TSHR: variants seen among roughly 807,000 people sequenced by gnomAD.
TSHR encodes thyrotropin receptor.
Under a neutral mutation model 64.1 loss-of-function variants are expected in TSHR, and 51 were observed. That is an observed-to-expected ratio of 0.80 (90% CI 0.64 to 1.01). The LOEUF (loss-of-function observed/expected upper bound fraction) is 1.01. Ranked by LOEUF, TSHR falls within the 50% of genes least tolerant of loss-of-function variation. TSHR has a pLI of 0.00. For synonymous variants in TSHR, 361 were observed against 361.9 expected (o/e 1.00, Z 0.03); for missense variants, 877 against 942.8 (o/e 0.93, Z 0.91).
chr14:80,981,328 T>A (rs1218578280), intron 1 of TSHR, among the ~76,000 whole-genome samples: 1 of 152,098 alleles, frequency 6.6e-6, no homozygotes, highest in Non-Finnish European at 1.5e-5. Flanking sequence ...CTCAAGAAGG[T>A]TTTTTTAAAA....
At chr14:81,041,999 C>T (rs1884945818) in intron 1 of TSHR, among the ~76,000 whole-genome samples, 1 of 152,022 alleles carries the variant, frequency 6.6e-6, no homozygotes, top group Non-Finnish European at 1.5e-5. Context: ...GGGCAAAAGA[C>T]CTAAATAGAC....
At chr14:81,096,604 C>A in intron 6 of TSHR, 35 bp from the exon 7 acceptor site, 1 of 1,604,582 alleles carries the variant, frequency 6.2e-7, no homozygotes, top group South Asian at 1.1e-5. Flanking sequence ...CACTTCTCAC[C>A]AGTCACTGAT....
chr14:81,058,043 T>A (rs1885953217), intron 1 of TSHR, among the ~76,000 whole-genome samples: 1 of 152,240 alleles, frequency 6.6e-6, no homozygotes, highest in South Asian at 2.1e-4. Flanking sequence ...CATGCAAGAT[T>A]ACTGTGAAAA....
intron 1 of TSHR, among the ~76,000 whole-genome samples, chr14:80,965,503 A>G (rs1887254697): frequency 6.6e-6 from 1 of 152,220 alleles, no homozygotes; most frequent in African/African-American, 2.4e-5. Flanking sequence ...TCAAGTCAAT[A>G]GTTGACAGAT....
rs539197153 is a variant in TSHR, at chr14:81,103,626, T to A, written c.615-4749T>A. On this transcript the variant is annotated intron_variant, in intron 7 of 9. Coordinates refer to ENST00000298171, the MANE Select transcript of TSHR (RefSeq NM_000369.5). This position sits in a 1 kb window ranked among gnomAD's most constrained non-coding sequence, Gnocchi z 4.1. ...AAAAGCACATTGTCCTATGACTTCCTATGGCGCCAAGAATGTTGTCATCAC... is the reference window on the plus strand; with the variant it reads ...AAAAGCACATTGTCCTATGACTTCCAATGGCGCCAAGAATGTTGTCATCAC... 1 of 985,458 alleles carries A rather than the reference T, an allele frequency of 1.0e-6. No individual in the cohort carries two copies. Among genetic ancestry groups the A allele is most frequent in the East Asian group, 1.1e-4 (1 of 8,816 alleles). The allele number at this position is 985,458 out of a possible 1,614,324, so 61.0% of individuals were successfully genotyped here.
At chr14:81,071,737 G>A (rs1887085392) in intron 3 of TSHR, among the ~76,000 whole-genome samples, 1 of 152,096 alleles carries the variant, frequency 6.6e-6, no homozygotes, top group South Asian at 2.1e-4. Flanking sequence ...TTCCAGCTTG[G>A]ATGACAGAGA....
intron 1 of TSHR, among the ~76,000 whole-genome samples, chr14:81,024,950 T>A (rs150615485): frequency 7.4e-4 from 112 of 152,286 alleles, no homozygotes; most frequent in African/African-American, 2.6e-3. Flanking sequence ...CATATGGAAT[T>A]TACTGGAGAC....
chr14:81,145,973 C>G lies in TSHR; in HGVS notation c.*1620C>G, dbSNP rs886050860. 4 of 232,026 alleles carry G rather than the reference C, an allele frequency of 1.7e-5. No individual in the cohort carries two copies. Among genetic ancestry groups the G allele is most frequent in the Non-Finnish European group, 2.6e-5 (3 of 117,354 alleles). The allele number at this position is 232,026 out of a possible 1,614,324, so 14.4% of individuals were successfully genotyped here. ...GTCCCCACAGATGGTCCCTGCTGGACTCACCTGGAATCTCTCCACAGCCAT... is the reference window on the plus strand; with the variant it reads ...GTCCCCACAGATGGTCCCTGCTGGAGTCACCTGGAATCTCTCCACAGCCAT... On this transcript the variant is annotated 3_prime_UTR_variant, in exon 10 of 10. Coordinates refer to ENST00000298171, the MANE Select transcript of TSHR (RefSeq NM_000369.5).
In TSHR at chr14:81,103,147, T is replaced by C; in HGVS notation, c.615-5228T>C. The C allele has an allele frequency of 1.0e-6, 1 of 985,348 alleles. No homozygotes were observed. Among genetic ancestry groups the C allele is most frequent in the African/African-American group, 1.7e-5 (1 of 57,344 alleles). 61.0% of individuals were successfully genotyped at this position (985,348 alleles called of 1,614,324 possible). A position where few individuals can be genotyped will look rare whatever the true frequency, so the allele number is the denominator to read the frequency against. On this transcript the variant is annotated intron_variant, in intron 7 of 9. Transcript: ENST00000298171. This position sits in a 1 kb window ranked among gnomAD's most constrained non-coding sequence, Gnocchi z 4.1. ...CTGGAGGAAGACAAGGATTGAGCTA[T>C]AGGTGAAGGAAAGAAAGGTCAAGGT...
intron 8 of TSHR, among the ~76,000 whole-genome samples, chr14:81,135,791 A>G (rs1011309800): frequency 6.6e-6 from 1 of 152,216 alleles, no homozygotes. Context: ...AGATCCATAG[A>G]GAAGTACAGA....
At chr14:81,105,153 T>C (rs1450022155) in intron 7 of TSHR, 1 of 985,322 alleles carries the variant, frequency 1.0e-6, no homozygotes, top group Non-Finnish European at 1.2e-6. Context: ...GATTTGTGAC[T>C]GATTTATCCA....
At chr14:81,065,562 G>C (rs1013444841) in intron 2 of TSHR, among the ~76,000 whole-genome samples, 2 of 152,108 alleles carry the variant, frequency 1.3e-5, no homozygotes, top group African/African-American at 4.8e-5. Flanking sequence ...TTCCCCCAGG[G>C]AGACTGCTGG....
chr14:81,091,779 T>G (rs982334260), intron 5 of TSHR, among the ~76,000 whole-genome samples: 13 of 152,362 alleles, frequency 8.5e-5, no homozygotes, highest in African/African-American at 3.1e-4. Flanking sequence ...GAGCAGTGTC[T>G]CAAGGAACAG....
intron 1 of TSHR, among the ~76,000 whole-genome samples, chr14:80,969,218 A>G (rs1034947348): frequency 2.0e-5 from 3 of 152,178 alleles, no homozygotes; most frequent in Admixed American, 2.0e-4. Context: ...CCATTCTCGT[A>G]GGCAGTCTGG....
intron 6 of TSHR, 52 bp downstream of exon 6, chr14:81,092,660 A>G (rs753484037): frequency 2.6e-6 from 4 of 1,552,942 alleles, no homozygotes; most frequent in Non-Finnish European, 3.6e-6. Context: ...ATTTTGAGCC[A>G]TTTTCATATG....
chr14:81,066,478 T>A (rs1227346105), intron 2 of TSHR, among the ~76,000 whole-genome samples: 1 of 152,118 alleles, frequency 6.6e-6, no homozygotes, highest in Non-Finnish European at 1.5e-5. Flanking sequence ...ACTGGGTAAA[T>A]CAAAGGATAA....
intron 3 of TSHR, among the ~76,000 whole-genome samples, chr14:81,079,789 G>A (rs1289052494): frequency 1.3e-5 from 2 of 151,376 alleles, no homozygotes; most frequent in African/African-American, 4.9e-5. Context: ...CTACAAGGTT[G>A]AGGCTGTAGT....
At chr14:81,006,463 A>G (rs34146411) in intron 1 of TSHR, among the ~76,000 whole-genome samples, 77,062 of 151,858 alleles carry the variant, frequency 0.51, 22,334 homozygotes, top group Non-Finnish European at 0.64. Context: ...GCCCACCCCA[A>G]TGACCTCATT....
chr14:81,144,202 A>C lies in TSHR; in HGVS notation c.2144A>C (p.Asn715Thr). Reference sequence around the variant, plus strand: ...CGGGGGCAGAGGGTTCCTCCAAAGAACAGCACTGATATTCAGGTTCAAAAG... The same window carrying C: ...CGGGGGCAGAGGGTTCCTCCAAAGACCAGCACTGATATTCAGGTTCAAAAG... ...AYRGQRVPPK[N>T]STDIQVQKVT... The change falls in exon 10 of 10, where the codon AAC becomes ACC. Residue 715 changes from asparagine (N) to threonine (T), a missense_variant. By Grantham distance (65) the Asn-to-Thr change is moderately conservative. Coordinates refer to ENST00000298171, the MANE Select transcript of TSHR (RefSeq NM_000369.5). 6.2e-7 allele frequency: 1 copy of C among 1,613,718 alleles called. No homozygotes were observed. Among genetic ancestry groups the C allele is most frequent in the African/African-American group, 1.3e-5 (1 of 74,988 alleles).
Sources: allele counts gnomAD v4.1 joint callset (sites outside exome capture counted in the v4.1 genomes callset), GRCh38; gene constraint gnomAD v4.1.1; non-coding constraint Gnocchi (gnomAD v3.1); transcripts MANE v1.5; gene names NCBI Gene and HGNC (gene_info 2026-07-23, HGNC 2026-07-21).